PCTP: variants seen among roughly 807,000 people sequenced by gnomAD.
PCTP encodes START domain-containing protein 2.
PCTP carries 27 observed loss-of-function variants against 31.0 expected under a neutral mutation model. The ratio of observed to expected loss-of-function variants is 0.87; its 90% CI spans 0.64 to 1.20. The LOEUF is 1.20. Among genes scored for constraint, PCTP ranks in the 50% most tolerant of loss-of-function variants. PCTP has a pLI of 0.00. For missense variants in PCTP, 287 were observed against 268.2 expected (o/e 1.07, Z -0.49); for synonymous variants, 108 against 101.2 (o/e 1.07, Z -0.40).
At chr17:55,772,332 A>C (rs1156779760) in intron 3 of PCTP, among the ~76,000 whole-genome samples, 1 of 152,072 alleles carries the variant, frequency 6.6e-6, no homozygotes, top group African/African-American at 2.4e-5. Context: ...TCACGCCTGT[A>C]ATCCCAACAC....
At chr17:55,832,061 C>G (rs554266094) in intron 5 of PCTP, among the ~76,000 whole-genome samples, 1 of 152,058 alleles carries the variant, frequency 6.6e-6, no homozygotes, top group South Asian at 2.1e-4. Flanking sequence ...GGCGACAGAA[C>G]GAGACTCCAT....
At chr17:55,781,253 A>G (rs1260617392), downstream of PCTP, among the ~76,000 whole-genome samples, 3 of 152,208 alleles carry the variant, frequency 2.0e-5, no homozygotes, top group East Asian at 1.9e-4. Context: ...GTACATCTCT[A>G]TCTGCCTCCC....
chr17:55,802,222 T>C (rs1598006946), intron 3 of PCTP, among the ~76,000 whole-genome samples: 1 of 152,248 alleles, frequency 6.6e-6, no homozygotes, highest in East Asian at 1.9e-4. Context: ...AGGTAGTAAG[T>C]AATAGCCTAC....
chr17:55,767,808 T>C (rs2144947084), intron 2 of PCTP, among the ~76,000 whole-genome samples: 1 of 146,908 alleles, frequency 6.8e-6, no homozygotes, highest in Admixed American at 6.8e-5. Flanking sequence ...GTAGATCTAT[T>C]CTGACCAGAT....
rs374562945 is a variant in PCTP at position 55,754,062 on chromosome 17, G to A, written c.141+2818G>A. Among the ~76,000 whole-genome samples, 19 of 152,286 alleles carry A rather than the reference G, an allele frequency of 1.2e-4. 1 individual carries two copies. The highest frequency in any genetic ancestry group is 9.1e-4 in the Admixed American group (14 of 15,302). ...GCACAGAAGACTCCTGTGACCAAAT[G>A]TCTGAGGATTTCTCTCCAAACACCA... is the stretch of plus-strand genomic sequence containing the variant. On this transcript the variant is annotated intron_variant, in intron 1 of 5. Transcript: ENST00000268896.
intron 5 of PCTP, among the ~76,000 whole-genome samples, chr17:55,840,914 A>T (rs1009370638): frequency 1.3e-5 from 2 of 152,188 alleles, no homozygotes; most frequent in African/African-American, 4.8e-5. Context: ...CAAAATCCAA[A>T]AAAGTCTGAA....
chr17:55,767,309 C>T (rs759976334), intron 1 of PCTP, 26 bp from the exon 2 acceptor site: 18 of 1,419,824 alleles, frequency 1.3e-5, no homozygotes, highest in Middle Eastern at 1.8e-4. Context: ...AACCAATAGA[C>T]ATTTCTACCT....
At chr17:55,779,554 C>T (rs1249963435), downstream of PCTP, among the ~76,000 whole-genome samples, 3 of 152,168 alleles carry the variant, frequency 2.0e-5, no homozygotes, top group Non-Finnish European at 4.4e-5. Context: ...GAGAAGTAGA[C>T]AAGCCATGTA....
chr17:55,852,542 A>G, the PCTP span, among the ~76,000 whole-genome samples: 1 of 152,196 alleles, frequency 6.6e-6, no homozygotes, highest in Non-Finnish European at 1.5e-5. Context: ...TTTACTGTAC[A>G]ATAGTTAATT....
the PCTP span, among the ~76,000 whole-genome samples, chr17:55,852,187 G>A: frequency 4.6e-5 from 7 of 152,138 alleles, no homozygotes; most frequent in African/African-American, 9.7e-5. Context: ...CTCAGAATAA[G>A]TGTGAAATTC....
At chr17:55,815,947 G>A (rs1330027794) in intron 3 of PCTP, among the ~76,000 whole-genome samples, 2 of 152,140 alleles carry the variant, frequency 1.3e-5, no homozygotes, top group Non-Finnish European at 2.9e-5. Flanking sequence ...ATCCTACAAA[G>A]TCTAATGGAA....
chr17:55,786,113 T>C (rs558313538), intron 2 of PCTP, among the ~76,000 whole-genome samples: 1 of 152,158 alleles, frequency 6.6e-6, no homozygotes, highest in Non-Finnish European at 1.5e-5. Context: ...CAAAACCCCT[T>C]CTCTACCAAA....
downstream of PCTP, among the ~76,000 whole-genome samples, chr17:55,826,507 A>T (rs1279041351): frequency 6.6e-6 from 1 of 151,748 alleles, no homozygotes; most frequent in Non-Finnish European, 1.5e-5. Context: ...TAAGCCTGGC[A>T]CCAGCAGTCC....
chr17:55,817,624 A>T, intron 3 of PCTP, among the ~76,000 whole-genome samples: 1 of 152,134 alleles, frequency 6.6e-6, no homozygotes, highest in East Asian at 1.9e-4. Context: ...GGTTTGCCTT[A>T]TGGAGAACTG....
chr17:55,839,554 C>A (rs1322089317), intron 5 of PCTP, among the ~76,000 whole-genome samples: 1 of 152,158 alleles, frequency 6.6e-6, no homozygotes, highest in Non-Finnish European at 1.5e-5. Context: ...CTAATGACCA[C>A]CCAGGGTGGA....
intron 5 of PCTP, among the ~76,000 whole-genome samples, chr17:55,831,960 C>T (rs757303390): frequency 1.3e-5 from 2 of 152,086 alleles, no homozygotes; most frequent in Non-Finnish European, 2.9e-5. Context: ...CCTGTAGTCC[C>T]AGCTACTTGG....
intron 3 of PCTP, among the ~76,000 whole-genome samples, chr17:55,789,926 C>T (rs1325090642): frequency 6.6e-6 from 1 of 152,164 alleles, no homozygotes. Flanking sequence ...CAAACCGAAT[C>T]CAGCAGCACA....
chr17:55,847,964 C>T, the PCTP span, among the ~76,000 whole-genome samples: 1 of 152,054 alleles, frequency 6.6e-6, no homozygotes, highest in South Asian at 2.1e-4. Context: ...ACTCTGTCTC[C>T]CAGGCTGGAG....
chr17:55,816,489 T>C (rs1412692848), intron 3 of PCTP, among the ~76,000 whole-genome samples: 1 of 152,202 alleles, frequency 6.6e-6, no homozygotes, highest in Non-Finnish European at 1.5e-5. Flanking sequence ...AATGACTCTT[T>C]TAGGATCAAT....
Sources: gnomAD v4.1 joint callset for allele counts (sites outside exome capture counted in the v4.1 genomes callset) on GRCh38, gnomAD v4.1.1 for gene constraint, MANE v1.5 for transcripts, NCBI Gene and HGNC (gene_info 2026-07-23, HGNC 2026-07-21) for gene names.